NEFH: variants seen among roughly 807,000 people sequenced by gnomAD.
NEFH encodes the protein neurofilament heavy chain.
NEFH carries 58 observed loss-of-function variants against 56.6 expected under a neutral mutation model. The observed-to-expected ratio is 1.03, with a 90% CI of 0.83 to 1.28. NEFH has a LOEUF of 1.28. NEFH is among the 50% of genes most tolerant of loss of function. NEFH has a pLI of 0.00. For synonymous variants in NEFH, 542 were observed against 545.8 expected, an observed-to-expected ratio of 0.99 and a Z score of 0.10; for missense variants, 1,221 against 1,307.6, an observed-to-expected ratio of 0.93 and a Z score of 1.02.
At chr22:29,485,091 C>T (rs1370759754) in intron 2 of NEFH, among the ~76,000 whole-genome samples, 2 of 152,026 alleles carry the variant, frequency 1.3e-5, no homozygotes, top group Non-Finnish European at 2.9e-5. Flanking sequence ...CTTCCTCAGC[C>T]TTCCAAAATG....
At chr22:29,486,495 T>G (rs2063045112) in intron 3 of NEFH, among the ~76,000 whole-genome samples, 1 of 149,592 alleles carries the variant, frequency 6.7e-6, no homozygotes, top group Non-Finnish European at 1.5e-5. Context: ...TGGCAGCCAC[T>G]CTTTTACTCT....
intron 2 of NEFH, among the ~76,000 whole-genome samples, chr22:29,483,807 G>A (rs1201498657): frequency 1.4e-5 from 2 of 146,454 alleles, no homozygotes; most frequent in Non-Finnish European, 3.0e-5. Flanking sequence ...TGCAGAGCTG[G>A]AAAGATTAAA....
At chr22:29,484,419 C>G (rs1323802585) in intron 2 of NEFH, among the ~76,000 whole-genome samples, 3 of 152,038 alleles carry the variant, frequency 2.0e-5, no homozygotes, top group Non-Finnish European at 2.9e-5. Flanking sequence ...GCGGGTGGAT[C>G]ACTTGAGGTC....
intron 1 of NEFH, among the ~76,000 whole-genome samples, chr22:29,482,174 C>G (rs893503202): frequency 6.6e-6 from 1 of 152,220 alleles, no homozygotes; most frequent in African/African-American, 2.4e-5. Flanking sequence ...ATAGCTTTTT[C>G]TGTTCCTTTT....
chr22:29,488,616 A>G (rs1198381889), intron 3 of NEFH, among the ~76,000 whole-genome samples: 1 of 152,118 alleles, frequency 6.6e-6, no homozygotes, highest in Admixed American at 6.6e-5. Flanking sequence ...CCCTCTCAAA[A>G]ACAACAACAT....
At chr22:29,483,109 C>T (rs1394678679) in intron 1 of NEFH, among the ~76,000 whole-genome samples, 1 of 152,048 alleles carries the variant, frequency 6.6e-6, no homozygotes, top group Non-Finnish European at 1.5e-5. Context: ...AAAACCCCAT[C>T]TCTACTAAAA....
chr22:29,482,897 T>G (rs922274079), intron 1 of NEFH, among the ~76,000 whole-genome samples: 1 of 152,178 alleles, frequency 6.6e-6, no homozygotes, highest in African/African-American at 2.4e-5. Context: ...GAGTAGTCAC[T>G]TGCCTTTATC....
chr22:29,485,644 G>A lies in NEFH; in HGVS notation c.1084-79G>A, dbSNP rs533283887. The A allele has an allele frequency of 1.4e-3, 2,144 of 1,543,586 alleles. 3 individuals are homozygous for A. Among genetic ancestry groups the A allele is most frequent in the Non-Finnish European group, 1.6e-3 (1,808 of 1,142,204 alleles). On this transcript the variant is annotated intron_variant, in intron 2 of 3. Coordinates refer to ENST00000310624, the MANE Select transcript of NEFH (RefSeq NM_021076.4). ...GGCTGGATGGGCCTGCTCTGGGGTC[G>A]CACAGCCCGCCGCAGCTTCTCTGGT...
rs775140815 is a variant in NEFH, at chr22:29,489,305, G to A, written c.1665G>A (p.Lys555=). 6.2e-7 allele frequency: 1 copy of A among 1,612,430 alleles called. No homozygotes were observed. The highest frequency in any genetic ancestry group is 1.7e-5 in the Admixed American group (1 of 59,976). ...CTGAGAAGGCCAAGTCTCCAGCAAA[G>A]GAAGAGGCAAAGTCACCGCCTGAGG... is the stretch of plus-strand genomic sequence containing the variant. ...KSPEKAKSPA[K]EEAKSPPEAK... is the part of the protein sequence containing the mutation. The change falls in exon 4 of 4, where the codon AAG becomes AAA. Residue 555 remains lysine (K), a synonymous_variant. Transcript: ENST00000310624.
intron 3 of NEFH, among the ~76,000 whole-genome samples, chr22:29,487,282 T>C (rs1260316014): frequency 6.6e-6 from 1 of 152,128 alleles, no homozygotes; most frequent in Non-Finnish European, 1.5e-5. Flanking sequence ...ATCTTGCTAC[T>C]CAAAGCATGG....
chr22:29,485,144 C>T (rs1369822453), intron 2 of NEFH, among the ~76,000 whole-genome samples: 1 of 152,100 alleles, frequency 6.6e-6, no homozygotes, highest in African/African-American at 2.4e-5. Context: ...GCTATGTCTC[C>T]CAGGCTGGAG....
chr22:29,488,795 A>C (rs1240834963), intron 3 of NEFH, 54 bp from the exon 4 acceptor site: 5 of 1,563,628 alleles, frequency 3.2e-6, no homozygotes, highest in Non-Finnish European at 4.4e-6. Context: ...GAAGAACCCA[A>C]ATAGTGAATT....
rs183499750 is a variant in NEFH, at chr22:29,490,725, G to A, written c.*22G>A. 92 of 1,613,628 alleles carry A rather than the reference G, an allele frequency of 5.7e-5. 1 individual carries two copies. Among genetic ancestry groups the A allele is most frequent in the African/African-American group, 2.8e-4 (21 of 75,020 alleles). The stretch of plus-strand genomic sequence containing the variant: ...GTAAGGCAGGGAGAAAGGAACATCC[G>A]GAACAGCCAAAGAAACTCAGAAGAG... On this transcript the variant is annotated 3_prime_UTR_variant, in exon 4 of 4. Transcript: ENST00000310624.
Position 29,483,448 on chromosome 22 carries a change from T to A in NEFH, c.957T>A (p.Thr319=). The A allele has an allele frequency of 6.2e-7, 1 of 1,614,004 alleles. No homozygotes were observed. The highest frequency in any genetic ancestry group is 8.5e-7 in the Non-Finnish European group (1 of 1,180,012). Residue 319 remains threonine (T), a synonymous_variant, in exon 2 of 4, where the codon ACT becomes ACA. Transcript: ENST00000310624. ...DAMRSAQEEI[T]EYRRQLQART... is the part of the protein sequence containing the mutation. ...TGCGCTCAGCGCAGGAGGAGATAAC[T>A]GAGTACCGGCGTCAGCTGCAGGCCA...
intron 3 of NEFH, among the ~76,000 whole-genome samples, chr22:29,487,182 C>CAGGG (rs1322494704): frequency 6.6e-6 from 1 of 152,070 alleles, no homozygotes; most frequent in Non-Finnish European, 1.5e-5. Flanking sequence ...CCGGGGGGAG[C>CAGGG]AGGGCTAGGG....
rs1013169782 is a variant in NEFH, at chr22:29,480,323, G to A, written c.61G>A (p.Gly21Ser). ...LGAPFAPLHG[G>S]GSLHYALARK... is the part of the protein sequence containing the mutation. ...CGCCCCGTTCGCGCCGCTGCATGGC[G>A]GCGGCAGCCTCCACTACGCGCTAGC... is the stretch of plus-strand genomic sequence containing the variant. The change falls in exon 1 of 4, where the codon GGC (glycine) becomes AGC (serine). Residue 21 changes from glycine to serine, a missense_variant. Physicochemically the swap from Gly to Ser is moderately conservative, Grantham distance 56 (BLOSUM62 0). Around this residue, in one of 4 missense-constraint regions of NEFH, gnomAD observed 640 missense variants for 555.5 expected, o/e 1.15. Transcript: ENST00000310624. The A allele has an allele frequency of 1.3e-5, 19 of 1,507,444 alleles. No individual in the cohort carries two copies. Among genetic ancestry groups the A allele is most frequent in the Non-Finnish European group, 1.2e-5 (14 of 1,138,210 alleles). 93.4% of individuals were successfully genotyped at this position (1,507,444 alleles called of 1,614,324 possible). A position where few individuals can be genotyped will look rare whatever the true frequency, so the allele number is the denominator to read the frequency against.
chr22:29,488,002 AG>A (rs1384499278), intron 3 of NEFH, among the ~76,000 whole-genome samples: 1 of 152,194 alleles, frequency 6.6e-6, no homozygotes, highest in Non-Finnish European at 1.5e-5. Flanking sequence ...ATGGTAATAC[AG>A]GGTGATGAGA....
Position 29,490,321 on chromosome 22 carries a change from A to G in NEFH, c.2681A>G (p.Lys894Arg). 6.2e-7 allele frequency: 1 copy of G among 1,613,252 alleles called. No homozygotes were observed. Among genetic ancestry groups the G allele is most frequent in the Non-Finnish European group, 8.5e-7 (1 of 1,179,648 alleles). The change falls in exon 4 of 4, where the codon AAG becomes AGG. Residue 894 changes from lysine to arginine, a missense_variant. Physicochemically the swap from Lys to Arg is conservative, Grantham distance 26. Transcript: ENST00000310624. ...AAAGAATCCAAAGTTGAAGCCAAGAAGGAAGAGGCTGAAGATAAGAAAAAA... is the reference window on the plus strand; with the variant it reads ...AAAGAATCCAAAGTTGAAGCCAAGAGGGAAGAGGCTGAAGATAAGAAAAAA... ...KPKESKVEAK[K>R]EEAEDKKKVP...
chr22:29,488,748 A>G (rs2063058064), intron 3 of NEFH, 101 bp from the exon 4 acceptor site: 7 of 1,112,672 alleles, frequency 6.3e-6, no homozygotes, highest in South Asian at 5.0e-5. Context: ...ACCAAAACCC[A>G]TATCATTCGA....
Sources: gnomAD v4.1 joint callset for allele counts (sites outside exome capture counted in the v4.1 genomes callset) on GRCh38, gnomAD v4.1.1 for gene constraint, gnomAD v4.1.1 regional missense constraint, MANE v1.5 for transcripts, NCBI Gene and HGNC (gene_info 2026-07-23, HGNC 2026-07-21) for gene names.